Variants in TACR3 observed in about 807,000 individuals in gnomAD.
TACR3 encodes the protein tachykinin receptor 3, also known as neuromedin-K receptor.
A neutral mutation model predicts 35.0 loss-of-function variants in TACR3; 34 were observed. That is an observed-to-expected ratio of 0.97 (90% confidence interval 0.74 to 1.30). TACR3 has a LOEUF of 1.30. TACR3 is among the 50% of genes most tolerant of loss of function. The probability of loss-of-function intolerance (pLI) is 0.00; values close to 1 mark genes in which losing one functional copy is unlikely to be tolerated. For missense variants in TACR3, 558 were observed against 591.7 expected, an observed-to-expected ratio of 0.94 and a Z score of 0.59; for synonymous variants, 233 against 221.1, an observed-to-expected ratio of 1.05 and a Z score of -0.48.
At position 103,591,691 on chromosome 4, in the gene TACR3, GAAA is replaced by G. The variant is rs761375986; in HGVS notation, c.889-11_889-9del. 6.2e-7 allele frequency: 1 copy of G among 1,606,804 alleles called. No individual in the cohort carries two copies. Among genetic ancestry groups the G allele is most frequent in the Non-Finnish European group, 8.5e-7 (1 of 1,176,762 alleles). ...AATCATCATTTTGACAACCTATAAA[GAAA>G]AAAAGTCATTTTTGACAAATATAAT... On this transcript the variant is annotated splice_polypyrimidine_tract_variant and intron_variant, in intron 3 of 4. Transcript: ENST00000304883.
intron 3 of TACR3, among the ~76,000 whole-genome samples, chr4:103,618,702 C>T (rs59136114): frequency 0.24 from 29,841 of 123,064 alleles, 3,296 homozygotes; most frequent in East Asian, 0.3. Context: ...ACCATTTTTA[C>T]GATATTGAAT....
intron 1 of TACR3, among the ~76,000 whole-genome samples, chr4:103,684,765 G>A (rs978269864): frequency 2.6e-5 from 4 of 151,982 alleles, no homozygotes; most frequent in Non-Finnish European, 5.9e-5. Context: ...CACTTTGGGG[G>A]GCTGAGGTGG....
intron 1 of TACR3, among the ~76,000 whole-genome samples, chr4:103,686,918 C>A (rs941111112): frequency 6.6e-6 from 1 of 152,110 alleles, no homozygotes; most frequent in Non-Finnish European, 1.5e-5. Context: ...CATCCTGATA[C>A]CAAAGCTGGG....
At position 103,636,678 on chromosome 4, in the gene TACR3, G is replaced by GAT. The variant is rs546726614; in HGVS notation, c.888+19514_888+19515dup. Among the ~76,000 whole-genome samples the GAT allele has an allele frequency of 4.3e-3, 655 of 151,994 alleles. 2 individuals are homozygous for GAT. Among genetic ancestry groups the GAT allele is most frequent in the African/African-American group, 0.015 (625 of 41,468 alleles). Reference sequence around the variant, plus strand: ...GTTTTTTGAAAAGATCAACAAAATTGATAGACCGCTAGCAAGACTAATAAA... The same window carrying GAT: ...GTTTTTTGAAAAGATCAACAAAATTGATATAGACCGCTAGCAAGACTAATAAA... On this transcript the variant is annotated intron_variant, in intron 3 of 4. Coordinates refer to ENST00000304883, the MANE Select transcript of TACR3 (RefSeq NM_001059.3).
chr4:103,649,477 C>T (rs72945377), intron 3 of TACR3, among the ~76,000 whole-genome samples: 3,617 of 151,768 alleles, frequency 0.024, 160 homozygotes, highest in African/African-American at 0.083. Flanking sequence ...TATTACATAG[C>T]CCCTTTGAGG....
In TACR3 at chr4:103,617,034, G is replaced by A. The variant is rs533990484; in HGVS notation, c.889-25351C>T. On this transcript the variant is annotated intron_variant, in intron 3 of 4. Transcript: ENST00000304883. Reference sequence around the variant, plus strand: ...ACCAGTAATTTTAACTGACTTACAGGAGAAAGCATAGAATTTTTCAGATGA... The same window carrying A: ...ACCAGTAATTTTAACTGACTTACAGAAGAAAGCATAGAATTTTTCAGATGA... Among the ~76,000 whole-genome samples the A allele has an allele frequency of 2.6e-5, 4 of 152,208 alleles. No individual in the cohort carries two copies. The South Asian group carries it at 8.3e-4, about 32-fold the overall frequency.
At chr4:103,612,753 G>A (rs1159527959) in intron 3 of TACR3, among the ~76,000 whole-genome samples, 1 of 152,076 alleles carries the variant, frequency 6.6e-6, no homozygotes, top group African/African-American at 2.4e-5. Flanking sequence ...CAGGTGATCT[G>A]CCCACCTTGG....
intron 3 of TACR3, among the ~76,000 whole-genome samples, chr4:103,650,534 TATAAATATATAAAATAAATTTAATAAA>T (rs1337612543): frequency 4.7e-5 from 6 of 127,684 alleles, no homozygotes; most frequent in South Asian, 4.6e-4. Context: ...ATTATTTATA[TATAAATATATAAAATAAATTTAATAAA>T]ATAAATATAT....
intron 3 of TACR3, among the ~76,000 whole-genome samples, chr4:103,617,334 GAAT>G (rs1724681837): frequency 1.3e-5 from 2 of 152,084 alleles, no homozygotes; most frequent in East Asian, 1.9e-4. Context: ...GCAAATCTTA[GAAT>G]AATATCTTAA....
chr4:103,647,025 G>A (rs889881353), intron 3 of TACR3, among the ~76,000 whole-genome samples: 6 of 151,720 alleles, frequency 4.0e-5, no homozygotes, highest in Non-Finnish European at 7.4e-5. Context: ...TACAGTCTTC[G>A]ATTTTAGTAC....
At chr4:103,617,821 AATG>A (rs1436603118) in intron 3 of TACR3, among the ~76,000 whole-genome samples, 1 of 152,220 alleles carries the variant, frequency 6.6e-6, no homozygotes, top group African/African-American at 2.4e-5. Context: ...TTTCATATAT[AATG>A]ATTATTTTTT....
At chr4:103,638,110 A>G (rs2110317251) in intron 3 of TACR3, among the ~76,000 whole-genome samples, 1 of 152,314 alleles carries the variant, frequency 6.6e-6, no homozygotes, top group Admixed American at 6.5e-5. Context: ...ATATGGAACC[A>G]AAAGAGAGCC....
chr4:103,627,355 A>G (rs1224309391), intron 3 of TACR3, among the ~76,000 whole-genome samples: 6 of 90,352 alleles, frequency 6.6e-5, no homozygotes, highest in Non-Finnish European at 1.5e-4. Context: ...TTTCCATTAA[A>G]AAAAAAAAAA....
Position 103,603,441 on chromosome 4 carries a change from C to T in TACR3, c.889-11758G>A, listed in dbSNP as rs144114801. ...CTGGCACTCCCCAGTGAGATGAACC[C>T]GGTACCTCAGTTGGAAATGTAGAAA... On this transcript the variant is annotated intron_variant, in intron 3 of 4. Coordinates refer to ENST00000304883, the MANE Select transcript of TACR3 (RefSeq NM_001059.3). 2.4e-3 allele frequency among the ~76,000 whole-genome samples: 370 copies of T among 152,328 alleles called. 2 individuals carry two copies. The highest frequency in any genetic ancestry group is 3.7e-3 in the South Asian group (18 of 4,824).
chr4:103,614,951 G>A (rs1249055506), intron 3 of TACR3, among the ~76,000 whole-genome samples: 2 of 125,932 alleles, frequency 1.6e-5, no homozygotes, highest in Non-Finnish European at 3.1e-5. Flanking sequence ...CTGGAGTGCA[G>A]TGGCGCGATC....
At chr4:103,590,862 C>T (rs2110282786) in intron 4 of TACR3, among the ~76,000 whole-genome samples, 1 of 152,124 alleles carries the variant, frequency 6.6e-6, no homozygotes, top group African/African-American at 2.4e-5. Flanking sequence ...CATTTGACTA[C>T]AAATATTCTC....
chr4:103,594,359 G>T (rs928018180), intron 3 of TACR3, among the ~76,000 whole-genome samples: 3 of 151,908 alleles, frequency 2.0e-5, no homozygotes, highest in Non-Finnish European at 2.9e-5. Context: ...TGTATTTTTA[G>T]TAGAGACAGG....
intron 3 of TACR3, among the ~76,000 whole-genome samples, chr4:103,612,760 T>C (rs1724539067): frequency 1.3e-5 from 2 of 152,176 alleles, no homozygotes; most frequent in African/African-American, 4.8e-5. Flanking sequence ...TCTGCCCACC[T>C]TGGCCTCCCA....
chr4:103,656,854 T>A (rs1725743030), intron 2 of TACR3, among the ~76,000 whole-genome samples: 1 of 152,094 alleles, frequency 6.6e-6, no homozygotes, highest in South Asian at 2.1e-4. Flanking sequence ...CCATAATTAA[T>A]CCACAAGTTA....
Sources: allele counts gnomAD v4.1 joint callset (sites outside exome capture counted in the v4.1 genomes callset), GRCh38; gene constraint gnomAD v4.1.1; transcripts MANE v1.5; gene names NCBI Gene and HGNC (gene_info 2026-07-23, HGNC 2026-07-21).